Variants in GRIA2 observed in about 807,000 individuals in gnomAD.
GRIA2 encodes the protein glutamate ionotropic receptor AMPA type subunit 2, also known as glutamate receptor 2.
A neutral mutation model predicts 97.3 loss-of-function variants in GRIA2; 14 were observed. That is an observed-to-expected ratio of 0.14 (90% confidence interval 0.10 to 0.23). The LOEUF (loss-of-function observed/expected upper bound fraction) is 0.23. GRIA2 is among the 10% of genes least tolerant of loss of function. The probability of loss-of-function intolerance (pLI) is 1.00; values close to 1 mark genes in which losing one functional copy is unlikely to be tolerated. For missense variants in GRIA2, 558 were observed against 1,069.8 expected (o/e 0.52, Z 6.67); for synonymous variants, 412 against 387.8 (o/e 1.06, Z -0.73).
At chr4:157,258,371 T>TC (rs1466648574) in intron 2 of GRIA2, among the ~76,000 whole-genome samples, 2 of 152,048 alleles carry the variant, frequency 1.3e-5, no homozygotes, top group Non-Finnish European at 2.9e-5. Flanking sequence ...GGGACGTCTG[T>TC]CTTTTTACAG....
chr4:157,291,419 T>A (rs560899807), intron 2 of GRIA2, among the ~76,000 whole-genome samples: 1 of 152,120 alleles, frequency 6.6e-6, no homozygotes, highest in East Asian at 1.9e-4. Flanking sequence ...TGATGTTATG[T>A]AACTTGCAAT....
intron 2 of GRIA2, among the ~76,000 whole-genome samples, chr4:157,242,690 G>C (rs1055677479): frequency 6.6e-6 from 1 of 152,002 alleles, no homozygotes; most frequent in African/African-American, 2.4e-5. Context: ...TTGCTCCTAG[G>C]GGAAATTGAA....
intron 2 of GRIA2, among the ~76,000 whole-genome samples, chr4:157,250,548 A>G (rs1730975883): frequency 6.6e-6 from 1 of 152,116 alleles, no homozygotes; most frequent in African/African-American, 2.4e-5. Context: ...AATGGAGTCA[A>G]ATGCAGATTC....
chr4:157,246,849 T>C (rs1193430385), intron 2 of GRIA2, among the ~76,000 whole-genome samples: 1 of 152,242 alleles, frequency 6.6e-6, no homozygotes, highest in Non-Finnish European at 1.5e-5. Context: ...GGAAACATAC[T>C]CAGATACACA....
rs748979507 is a variant in GRIA2 at position 157,335,781 on chromosome 4, C to T, written c.1377C>T (p.Phe459=). The T allele has an allele frequency of 3.1e-6, 5 of 1,612,682 alleles. No homozygotes were observed. In the South Asian group the frequency reaches 4.4e-5, roughly 14 times the overall value. The part of the protein sequence containing the change: ...LAAEIAKHCG[F]KYKLTIVGDG... ...CAGAAATCGCCAAACATTGTGGGTT[C>T]AAGTACAAGTTGACAATTGTTGGTG... Residue 459 remains phenylalanine, a synonymous_variant, in exon 10 of 16, where the codon TTC becomes TTT. Transcript: ENST00000264426.
chr4:157,234,168 G>A (rs879127103), intron 2 of GRIA2, among the ~76,000 whole-genome samples: 2 of 152,024 alleles, frequency 1.3e-5, no homozygotes, highest in African/African-American at 4.8e-5. Context: ...TAATTATCAG[G>A]TTTAAATGAT....
intron 2 of GRIA2, among the ~76,000 whole-genome samples, chr4:157,252,614 C>A (rs188623680): frequency 7.8e-4 from 119 of 152,094 alleles, no homozygotes; most frequent in African/African-American, 2.8e-3. Context: ...ACATTTGGGT[C>A]ATCTACCTAA....
intron 3 of GRIA2, among the ~76,000 whole-genome samples, chr4:157,309,223 A>G (rs1277781039): frequency 3.3e-5 from 5 of 152,152 alleles, no homozygotes; most frequent in Non-Finnish European, 7.4e-5. Flanking sequence ...AAGTTTTGTT[A>G]GGTTCCATAG....
chr4:157,278,424 A>C (rs530158521), intron 2 of GRIA2, among the ~76,000 whole-genome samples: 175 of 152,100 alleles, frequency 1.2e-3, no homozygotes, highest in African/African-American at 3.7e-3. Context: ...TTCAAAAACA[A>C]AAAAAGAACC....
chr4:157,311,950 C>T (rs923074800), intron 3 of GRIA2, among the ~76,000 whole-genome samples: 1 of 151,854 alleles, frequency 6.6e-6, no homozygotes, highest in Non-Finnish European at 1.5e-5. Flanking sequence ...TAAAAATTTT[C>T]CAAGTGATAT....
At chr4:157,315,950 A>G (rs1734300663) in intron 4 of GRIA2, among the ~76,000 whole-genome samples, 1 of 152,234 alleles carries the variant, frequency 6.6e-6, no homozygotes, top group Admixed American at 6.5e-5. Context: ...TTGTCAGTGC[A>G]ATAATAATTG....
At chr4:157,244,194 T>C (rs141662863) in intron 2 of GRIA2, among the ~76,000 whole-genome samples, 79 of 151,990 alleles carry the variant, frequency 5.2e-4, no homozygotes, top group Non-Finnish European at 1.0e-3. Context: ...GTGATTACTC[T>C]CAGGAGGAAG....
intron 2 of GRIA2, among the ~76,000 whole-genome samples, chr4:157,264,909 G>T (rs539340870): frequency 6.6e-6 from 1 of 151,968 alleles, no homozygotes; most frequent in African/African-American, 2.4e-5. Context: ...ACACACACAT[G>T]TACTATAATC....
intron 6 of GRIA2, among the ~76,000 whole-genome samples, chr4:157,331,638 A>G (rs1735052503): frequency 6.6e-6 from 1 of 152,058 alleles, no homozygotes; most frequent in South Asian, 2.1e-4. Context: ...TTTATTAAGT[A>G]GATGTCCTGT....
chr4:157,282,621 G>T (rs1247946372), intron 2 of GRIA2, among the ~76,000 whole-genome samples: 1 of 151,978 alleles, frequency 6.6e-6, no homozygotes, highest in Admixed American at 6.6e-5. Context: ...ATCAAGGAGG[G>T]ATGAGAAGGA....
intron 6 of GRIA2, 106 bp from the exon 7 acceptor site, chr4:157,332,713 C>A: frequency 1.4e-6 from 1 of 712,814 alleles, no homozygotes; most frequent in Non-Finnish European, 2.3e-6. Flanking sequence ...AATTCTTGGA[C>A]TTTTAAATGG....
intron 11 of GRIA2, among the ~76,000 whole-genome samples, chr4:157,339,402 C>A (rs751373271): frequency 2.0e-5 from 3 of 151,898 alleles, no homozygotes; most frequent in Non-Finnish European, 4.4e-5. Flanking sequence ...ATTTCCTTCT[C>A]TGCATAATTT....
intron 2 of GRIA2, among the ~76,000 whole-genome samples, chr4:157,277,098 A>G (rs1732355793): frequency 1.3e-5 from 2 of 151,926 alleles, no homozygotes; most frequent in African/African-American, 2.4e-5. Flanking sequence ...CCAGAAAACT[A>G]CAGATCAATA....
At chr4:157,271,671 G>A (rs1420788109) in intron 2 of GRIA2, among the ~76,000 whole-genome samples, 1 of 152,018 alleles carries the variant, frequency 6.6e-6, no homozygotes, top group Non-Finnish European at 1.5e-5. Flanking sequence ...GGTCATTGGT[G>A]ATCGACTTAG....
Sources: gnomAD v4.1 joint callset for allele counts (sites outside exome capture counted in the v4.1 genomes callset) on GRCh38, gnomAD v4.1.1 for gene constraint, MANE v1.5 for transcripts, NCBI Gene and HGNC (gene_info 2026-07-23, HGNC 2026-07-21) for gene names.